ADGRL3: variants seen among roughly 807,000 people sequenced by gnomAD.
ADGRL3 encodes adhesion G protein-coupled receptor L3.
Under a neutral mutation model 153.5 loss-of-function variants are expected in ADGRL3, and 62 were observed. The ratio of observed to expected loss-of-function variants is 0.40; its 90% confidence interval spans 0.33 to 0.50. The LOEUF (loss-of-function observed/expected upper bound fraction) is 0.50. Among genes scored for constraint, ADGRL3 ranks in the 20% least tolerant of loss-of-function variants. ADGRL3 has a pLI of 0.47. For synonymous variants in ADGRL3, 710 were observed against 672.5 expected, an observed-to-expected ratio of 1.06 and a Z score of -0.86; for missense variants, 1,641 against 1,859.4, an observed-to-expected ratio of 0.88 and a Z score of 2.16.
At chr4:61,236,423 G>T (rs1366127797) in intron 1 of ADGRL3, among the ~76,000 whole-genome samples, 3 of 147,392 alleles carry the variant, frequency 2.0e-5, no homozygotes, top group African/African-American at 7.3e-5. Context: ...TTTTTCTACT[G>T]TGTGTATCAT....
At chr4:61,783,127 G>A (rs2097233959) in intron 8 of ADGRL3, among the ~76,000 whole-genome samples, 1 of 152,140 alleles carries the variant, frequency 6.6e-6, no homozygotes, top group Non-Finnish European at 1.5e-5. Flanking sequence ...TAATATCAGA[G>A]TATTTAAATG....
chr4:61,725,686 C>A (rs1349361933), intron 6 of ADGRL3, among the ~76,000 whole-genome samples: 1 of 151,592 alleles, frequency 6.6e-6, no homozygotes, highest in Non-Finnish European at 1.5e-5. Context: ...AATATTATAC[C>A]AGATATAGTG....
At position 61,813,698 on chromosome 4, in the gene ADGRL3, T is replaced by A. The variant is rs2097656565; in HGVS notation, c.1400-111T>A. On this transcript the variant is annotated intron_variant, in intron 8 of 26. Transcript: ENST00000683033. ...TGGGCAGATATGTCTACTCTTTAATTTAGGCTATTAATTCAGTTTGGAGTG... is the reference window on the plus strand; with the variant it reads ...TGGGCAGATATGTCTACTCTTTAATATAGGCTATTAATTCAGTTTGGAGTG... 5 of 1,264,684 alleles carry A rather than the reference T, an allele frequency of 4.0e-6. No homozygotes were observed. The East Asian group carries it at 1.3e-4, about 32-fold the overall frequency. The allele number at this position is 1,264,684 out of a possible 1,614,324, so 78.3% of individuals were successfully genotyped here.
At chr4:61,439,082 ATAT>A (rs779790864) in intron 2 of ADGRL3, among the ~76,000 whole-genome samples, 1 of 152,182 alleles carries the variant, frequency 6.6e-6, no homozygotes, top group Non-Finnish European at 1.5e-5. Context: ...TGAGCTAAGT[ATAT>A]AATATTATAG....
chr4:62,031,333 C>A, intron 22 of ADGRL3, 109 bp from the exon 23 acceptor site: 2 of 881,392 alleles, frequency 2.3e-6, no homozygotes, highest in Non-Finnish European at 3.3e-6. Flanking sequence ...CATTTTCTGT[C>A]AATAAAAGTT....
At chr4:61,585,665 G>A (rs574447975) in intron 4 of ADGRL3, among the ~76,000 whole-genome samples, 5 of 151,864 alleles carry the variant, frequency 3.3e-5, no homozygotes, top group South Asian at 4.1e-4. Flanking sequence ...GTTAGTAAAC[G>A]CTTCATTTAA....
intron 8 of ADGRL3, among the ~76,000 whole-genome samples, chr4:61,786,579 A>G (rs957501852): frequency 7.9e-5 from 12 of 152,210 alleles, no homozygotes; most frequent in African/African-American, 2.4e-4. Flanking sequence ...GCCATTAGCC[A>G]TCGGAGTATT....
At chr4:61,962,394 T>C (rs951014630) in intron 17 of ADGRL3, among the ~76,000 whole-genome samples, 2 of 152,194 alleles carry the variant, frequency 1.3e-5, no homozygotes, top group Admixed American at 1.3e-4. Flanking sequence ...ACAAAAAATT[T>C]TCCCAGTTGT....
Position 61,979,507 on chromosome 4 carries a change from A to C in ADGRL3, c.2806-56A>C, listed in dbSNP as rs2099060038. 2.8e-6 allele frequency: 4 copies of C among 1,442,166 alleles called. No homozygotes were observed. The South Asian group carries it at 3.4e-5, about 12-fold the overall frequency. The allele number at this position is 1,442,166 out of a possible 1,614,324, so 89.3% of individuals were successfully genotyped here. ...CTTTGTGCATCCAGGCCCTTATAAA[A>C]CTTTGTAATTGGTTATGCATAAGCG... On this transcript the variant is annotated intron_variant, in intron 17 of 26. Transcript: ENST00000683033.
chr4:61,966,395 G>T (rs774358075), intron 17 of ADGRL3, among the ~76,000 whole-genome samples: 2 of 151,944 alleles, frequency 1.3e-5, no homozygotes, highest in Non-Finnish European at 2.9e-5. Context: ...TCTCACTGTG[G>T]TGAATTTCTC....
chr4:61,258,388 A>G (rs969903357), intron 1 of ADGRL3, among the ~76,000 whole-genome samples: 1 of 152,122 alleles, frequency 6.6e-6, no homozygotes, highest in Non-Finnish European at 1.5e-5. Flanking sequence ...TATCATTGCA[A>G]TGTGGTTCAT....
chr4:61,743,932 A>C (rs934821408), intron 8 of ADGRL3, among the ~76,000 whole-genome samples: 6 of 152,190 alleles, frequency 3.9e-5, no homozygotes, highest in African/African-American at 1.4e-4. Flanking sequence ...GGGAAGTGCA[A>C]GGGGTCAGGG....
chr4:61,697,922 T>C (rs2095670640), intron 6 of ADGRL3, among the ~76,000 whole-genome samples: 1 of 152,120 alleles, frequency 6.6e-6, no homozygotes, highest in Non-Finnish European at 1.5e-5. Context: ...CATTAGGCTA[T>C]AGCAGATCAT....
In ADGRL3 at chr4:61,626,567, GC is replaced by G. The variant is rs1281427204; in HGVS notation, c.473+39130del. ...TCACTAATTAAAAATTTAACTTTAA[GC>G]CCAAGGATATGTTTCCTAAGTTATG... On this transcript the variant is annotated intron_variant, in intron 5 of 26. Coordinates refer to ENST00000683033, the MANE Select transcript of ADGRL3 (RefSeq NM_001387552.1). Among the ~76,000 whole-genome samples the G allele has an allele frequency of 2.0e-5, 3 of 151,960 alleles. No individual in the cohort carries two copies. The South Asian group carries it at 6.2e-4, about 31-fold the overall frequency.
intron 5 of ADGRL3, among the ~76,000 whole-genome samples, chr4:61,601,435 T>A (rs979043812): frequency 3.3e-5 from 5 of 152,188 alleles, no homozygotes; most frequent in Admixed American, 2.0e-4. Context: ...AACACAATTT[T>A]AAAAATATGA....
At chr4:61,613,210 G>T (rs2091592863) in intron 5 of ADGRL3, among the ~76,000 whole-genome samples, 1 of 151,944 alleles carries the variant, frequency 6.6e-6, no homozygotes, top group Non-Finnish European at 1.5e-5. Context: ...TGTGGTGCTG[G>T]GTATGTTCTT....
At chr4:61,297,791 T>C (rs7695405) in intron 1 of ADGRL3, among the ~76,000 whole-genome samples, 122,469 of 151,808 alleles carry the variant, frequency 0.81, 49,779 homozygotes, top group South Asian at 0.9. Context: ...TACCTACCAC[T>C]ACAACTGTTA....
chr4:61,876,102 G>GT (rs33949547), intron 9 of ADGRL3, among the ~76,000 whole-genome samples: 28,398 of 150,950 alleles, frequency 0.19, 3,168 homozygotes, highest in Admixed American at 0.32. Flanking sequence ...TCATCAAATA[G>GT]TTTTTTTTTC....
rs777847599 is a variant in ADGRL3 at position 62,070,536 on chromosome 4, C to T, written c.4260C>T (p.Thr1420=). The T allele has an allele frequency of 1.9e-6, 3 of 1,551,194 alleles. No homozygotes were observed. Among genetic ancestry groups the T allele is most frequent in the Non-Finnish European group, 1.7e-6 (2 of 1,146,882 alleles). Residue 1420 remains threonine, a synonymous_variant, in exon 27 of 27, where the codon ACC becomes ACT. Transcript: ENST00000683033. ...AGAACCACCAGCCACACCATTATAC[C>T]AGAAGGCGGATCCCCCAAGACCACA... ...STENHQPHHY[T]RRRIPQDHSE... is the part of the protein sequence containing the mutation.
Sources: gnomAD v4.1 joint callset for allele counts (sites outside exome capture counted in the v4.1 genomes callset) on GRCh38, gnomAD v4.1.1 for gene constraint, MANE v1.5 for transcripts, NCBI Gene and HGNC (gene_info 2026-07-23, HGNC 2026-07-21) for gene names.